GP6: variants seen among roughly 807,000 people sequenced by gnomAD.
GP6 encodes the protein glycoprotein VI platelet, also known as platelet glycoprotein VI.
A neutral mutation model predicts 37.3 loss-of-function variants in GP6; 45 were observed. The ratio of observed to expected loss-of-function variants is 1.21; its 90% CI spans 0.95 to 1.55. The LOEUF (loss-of-function observed/expected upper bound fraction) is 1.55. Ranked by LOEUF, GP6 falls within the 40% of genes most tolerant of loss-of-function variation. The pLI is 0.00. For synonymous variants in GP6, 340 were observed against 316.4 expected (o/e 1.07, Z -0.79); for missense variants, 813 against 760.2 (o/e 1.07, Z -0.82).
intron 7 of GP6, 94 bp downstream of exon 7, chr19:55,015,589 T>C: frequency 3.7e-6 from 3 of 804,236 alleles, no homozygotes; most frequent in Admixed American, 3.8e-5. Flanking sequence ...GAACCCAAGA[T>C]CTGAGAGCTG....
In GP6 at chr19:55,026,021, AAGC is replaced by A. The variant is rs1308878982; in HGVS notation, c.611-753_611-751del. On this transcript the variant is annotated intron_variant, in intron 4 of 7. Transcript: ENST00000310373. Reference sequence around the variant, plus strand: ...CCCCCAAAAAAAAAAAAAAAAAAAAAAGCAGCAGCATTTGTAAAGCACACCTGG... The same window carrying A: ...CCCCCAAAAAAAAAAAAAAAAAAAAAAGCAGCATTTGTAAAGCACACCTGG... Among the ~76,000 whole-genome samples, 710 of 148,044 alleles carry A rather than the reference AAGC, an allele frequency of 4.8e-3. 6 individuals are homozygous for A. The highest frequency in any genetic ancestry group is 0.017 in the African/African-American group (683 of 40,126).
At chr19:55,035,730 A>C (rs906022116) in intron 1 of GP6, among the ~76,000 whole-genome samples, 1 of 152,000 alleles carries the variant, frequency 6.6e-6, no homozygotes, top group African/African-American at 2.4e-5. Context: ...AAATAAAAAT[A>C]AATAAAAATA....
At chr19:55,028,157 G>A (rs1426987264) in intron 3 of GP6, among the ~76,000 whole-genome samples, 1 of 152,240 alleles carries the variant, frequency 6.6e-6, no homozygotes, top group African/African-American at 2.4e-5. Context: ...CTGTTAAAAT[G>A]GGGATGACTG....
rs1330572105 is a variant in GP6 at position 55,033,076 on chromosome 19, C to T, written c.35-538G>A. On this transcript the variant is annotated intron_variant, in intron 1 of 7. Transcript: ENST00000310373. Reference sequence around the variant, plus strand: ...TTGTGTTAGACACGGTGGACTCGTTCGTGTTGTGTTAGACACGGTGGACTC... The same window carrying T: ...TTGTGTTAGACACGGTGGACTCGTTTGTGTTGTGTTAGACACGGTGGACTC... Among the ~76,000 whole-genome samples, 9 of 8,122 alleles carry T rather than the reference C, an allele frequency of 1.1e-3. 1 individual carries two copies. The highest frequency in any genetic ancestry group is 2.2e-3 in the African/African-American group (8 of 3,618). 5.3% of individuals were successfully genotyped at this position (8,122 alleles called of 152,430 possible).
intron 3 of GP6, among the ~76,000 whole-genome samples, chr19:55,030,448 C>T (rs2074516371): frequency 6.6e-6 from 1 of 152,050 alleles, no homozygotes; most frequent in South Asian, 2.1e-4. Context: ...AAGCGATTCT[C>T]CTGCCTCAGC....
rs745718736 is a variant in GP6, at chr19:55,014,996, G to A, written c.949C>T (p.Pro317Ser). The A allele has an allele frequency of 3.1e-5, 50 of 1,609,962 alleles. No homozygotes were observed. The highest frequency in any genetic ancestry group is 3.7e-5 in the Non-Finnish European group (44 of 1,178,612). Residue 317 changes from proline (P) to serine (S), a missense_variant, in exon 8 of 8, where the codon CCC becomes TCC. By Grantham distance (74) the Pro-to-Ser change is moderately conservative (BLOSUM62 -1). Transcript: ENST00000310373. ...CCCCGTTTGATTTCCGGGTCAGCGG[G>A]AGGGGCGGGAGGGGCGGAAGCGGCC...
chr19:55,035,448 G>A (rs930535497), intron 1 of GP6, among the ~76,000 whole-genome samples: 2 of 152,182 alleles, frequency 1.3e-5, no homozygotes, highest in South Asian at 2.1e-4. Context: ...GGCCGGGCGC[G>A]CTGGCTCACA....
At chr19:55,026,250 T>C (rs940455662) in intron 4 of GP6, among the ~76,000 whole-genome samples, 1 of 152,218 alleles carries the variant, frequency 6.6e-6, no homozygotes, top group Non-Finnish European at 1.5e-5. Context: ...TGGCGTTGGG[T>C]ATGTTCACAT....
chr19:55,027,687 GAT>G lies in GP6; in HGVS notation c.499_500del (p.Ile167HisfsTer62). 6.2e-7 allele frequency: 1 copy of G among 1,612,804 alleles called. No homozygotes were observed. The highest frequency in any genetic ancestry group is 8.5e-7 in the Non-Finnish European group (1 of 1,178,732). On this transcript the variant is annotated frameshift_variant, in exon 4 of 8. Coordinates refer to ENST00000310373, the MANE Select transcript of GP6 (RefSeq NM_001083899.2). LOFTEE classifies it high-confidence loss of function. ...CGCTGTGGGCGGCGGTCACCGTGAT[GAT>G]GGGAAAACTAGCCCTGTACCATCTC...
intron 1 of GP6, among the ~76,000 whole-genome samples, chr19:55,035,501 G>T (rs2074795446): frequency 6.6e-6 from 1 of 152,190 alleles, no homozygotes; most frequent in South Asian, 2.1e-4. Flanking sequence ...CGGATCACCT[G>T]AAGTCAGGAG....
chr19:55,032,685 TGA>T lies in GP6; in HGVS notation c.35-149_35-148del. ...AAGACACACAGGAATGTAATTTAAG[TGA>T]GAGAAACCGGTCAGAAAAAGCCACA... On this transcript the variant is annotated intron_variant, in intron 1 of 7. Coordinates refer to ENST00000310373, the MANE Select transcript of GP6 (RefSeq NM_001083899.2). 1.6e-5 allele frequency: 14 copies of T among 890,022 alleles called. No individual in the cohort carries two copies. The South Asian group carries it at 1.8e-4, about 12-fold the overall frequency. 55.1% of individuals were successfully genotyped at this position (890,022 alleles called of 1,614,324 possible).
Position 55,014,311 on chromosome 19 carries a change from A to T in GP6, c.1634T>A (p.Val545Glu). ...GTTTTGTTGGTAGAGATGAGGTTTC[A>T]CCATGTTGCACAGGCTGATCTTGTT... The change falls in exon 8 of 8, where the codon GTG (valine) becomes GAG (glutamate). Residue 545 changes from valine to glutamate, a missense_variant. Transcript: ENST00000310373. 1 of 1,554,002 alleles carries T rather than the reference A, an allele frequency of 6.4e-7. No individual in the cohort carries two copies. Among genetic ancestry groups the T allele is most frequent in the Non-Finnish European group, 8.9e-7 (1 of 1,127,120 alleles).
At chr19:55,033,897 C>A (rs1395549693) in intron 1 of GP6, among the ~76,000 whole-genome samples, 1 of 152,024 alleles carries the variant, frequency 6.6e-6, no homozygotes, top group Non-Finnish European at 1.5e-5. Flanking sequence ...ATCAGTATTC[C>A]ATGATTACAT....
At position 55,013,713 on chromosome 19, in the gene GP6, C is replaced by G. The variant is rs1374087865; in HGVS notation, c.*369G>C. The G allele has an allele frequency of 5.5e-6, 1 of 183,006 alleles. No homozygotes were observed. Among genetic ancestry groups the G allele is most frequent in the Non-Finnish European group, 1.2e-5 (1 of 85,740 alleles). The allele number at this position is 183,006 out of a possible 1,614,324, so 11.3% of individuals were successfully genotyped here. ...CAGCCATTCTTTTCCTTTTTTAAAA[C>G]AATTTTTATCTTCTTTATTTTAAGT... On this transcript the variant is annotated 3_prime_UTR_variant, in exon 8 of 8. Transcript: ENST00000310373.
chr19:55,032,564 T>A (rs1473165088), intron 1 of GP6, 26 bp from the exon 2 acceptor site: 1 of 1,613,174 alleles, frequency 6.2e-7, no homozygotes, highest in African/African-American at 1.3e-5. Context: ...AGGGACCAGA[T>A]GCCAGGACTC....
intron 6 of GP6, among the ~76,000 whole-genome samples, chr19:55,017,081 G>A (rs372496171): frequency 6.0e-5 from 9 of 151,258 alleles, no homozygotes; most frequent in Non-Finnish European, 1.3e-4. Flanking sequence ...GTCCATCTGC[G>A]GTTCCCAGAC....
chr19:55,036,116 C>A (rs557694722), intron 1 of GP6, among the ~76,000 whole-genome samples: 2 of 150,594 alleles, frequency 1.3e-5, no homozygotes, highest in African/African-American at 2.4e-5. Context: ...TTGGATGGAG[C>A]TGGAAGGCAT....
chr19:55,033,404 A>ACGGTTGGCTCGTTCGTGTTAGACG (rs1568643934), intron 1 of GP6, among the ~76,000 whole-genome samples: 1 of 14,170 alleles, frequency 7.1e-5, no homozygotes, highest in Admixed American at 9.4e-4. Flanking sequence ...TGTGTTAGAC[A>ACGGTTGGCTCGTTCGTGTTAGACG]CGGTGGGCTC....
At chr19:55,033,462 C>T (rs1233429687) in intron 1 of GP6, among the ~76,000 whole-genome samples, 120 of 145,210 alleles carry the variant, frequency 8.3e-4, no homozygotes, top group African/African-American at 3.0e-3. Flanking sequence ...GCGGTGGGCT[C>T]GTTCGTGTTG....
Sources: allele counts gnomAD v4.1 joint callset (sites outside exome capture counted in the v4.1 genomes callset), GRCh38; gene constraint gnomAD v4.1.1; transcripts MANE v1.5; gene names NCBI Gene and HGNC (gene_info 2026-07-23, HGNC 2026-07-21).